The following PPIP5K2 variants were observed in gnomAD, a reference collection of about 807,000 sequenced individuals.
The protein encoded by PPIP5K2 is inositol hexakisphosphate and diphosphoinositol-pentakisphosphate kinase 2.
Under a neutral mutation model 154.6 loss-of-function variants are expected in PPIP5K2, and 105 were observed. The observed-to-expected ratio is 0.68, with a 90% CI of 0.58 to 0.80. The LOEUF is 0.80. Among genes scored for constraint, PPIP5K2 ranks in the 30% least tolerant of loss-of-function variants. The probability of loss-of-function intolerance (pLI) is 0.00; values close to 1 mark genes in which losing one functional copy is unlikely to be tolerated. For missense variants in PPIP5K2, 992 were observed against 1,504.6 expected, an observed-to-expected ratio of 0.66 and a Z score of 5.64; for synonymous variants, 480 against 490.3, an observed-to-expected ratio of 0.98 and a Z score of 0.28.
intron 5 of PPIP5K2, among the ~76,000 whole-genome samples, chr5:103,145,492 T>C (rs907370256): frequency 6.6e-6 from 1 of 152,066 alleles, no homozygotes; most frequent in African/African-American, 2.4e-5. Context: ...GGAAACAACC[T>C]AAGGGTCCAT....
At chr5:103,150,454 T>C (rs1202295031) in intron 8 of PPIP5K2, among the ~76,000 whole-genome samples, 1 of 152,144 alleles carries the variant, frequency 6.6e-6, no homozygotes, top group Non-Finnish European at 1.5e-5. Context: ...TGTTCACGAA[T>C]ATGTGGTATT....
chr5:103,127,175 A>G (rs1341902286), intron 1 of PPIP5K2, among the ~76,000 whole-genome samples: 3 of 152,238 alleles, frequency 2.0e-5, no homozygotes, highest in Non-Finnish European at 4.4e-5. Flanking sequence ...AAGGAAGTAC[A>G]ATACAGTTTT....
At chr5:103,176,165 A>G (rs932416479) in intron 21 of PPIP5K2, among the ~76,000 whole-genome samples, 16 of 152,048 alleles carry the variant, frequency 1.1e-4, no homozygotes, top group African/African-American at 3.1e-4. Flanking sequence ...GTCTTCTTAC[A>G]TATTAATTAC....
chr5:103,194,563 A>G (rs1187690232), intron 29 of PPIP5K2, among the ~76,000 whole-genome samples: 1 of 152,148 alleles, frequency 6.6e-6, no homozygotes. Context: ...TTCTGTTACC[A>G]GGCAAGAAAA....
At position 103,133,584 on chromosome 5, in the gene PPIP5K2, T is replaced by A. The variant is rs1469374697; in HGVS notation, c.246T>A (p.Val82=). Residue 82 remains valine, a synonymous_variant, in exon 3 of 31, where the codon GTT becomes GTA. Coordinates refer to ENST00000358359, the MANE Select transcript of PPIP5K2 (RefSeq NM_001276277.3). ...YITVVVFEEE[V]ILNEPVENWP... Reference sequence around the variant, plus strand: ...CAGTAGTAGTATTTGAAGAGGAGGTTATTTTGAATGAACCAGTGGAAAACT... The same window carrying A: ...CAGTAGTAGTATTTGAAGAGGAGGTAATTTTGAATGAACCAGTGGAAAACT... 1 of 1,612,606 alleles carries A rather than the reference T, an allele frequency of 6.2e-7. No individual in the cohort carries two copies. The highest frequency in any genetic ancestry group is 8.5e-7 in the Non-Finnish European group (1 of 1,179,468).
chr5:103,177,298 G>A (rs959005803), intron 21 of PPIP5K2, among the ~76,000 whole-genome samples: 1 of 151,754 alleles, frequency 6.6e-6, no homozygotes, highest in Non-Finnish European at 1.5e-5. Flanking sequence ...TTTGTATTTT[G>A]GAATACTTGC....
rs143841988 is a variant in PPIP5K2, at chr5:103,195,755, A to G, written c.3619+730A>G. ...ATGATATTCATTTTTCTTACCATAT[A>G]TCTTTTTTCCTCAGAGAATTTCATA... On this transcript the variant is annotated intron_variant, in intron 30 of 30. Coordinates refer to ENST00000358359, the MANE Select transcript of PPIP5K2 (RefSeq NM_001276277.3). Among the ~76,000 whole-genome samples, 1,027 of 152,234 alleles carry G rather than the reference A, an allele frequency of 6.7e-3. 7 individuals are homozygous for G. Among genetic ancestry groups the G allele is most frequent in the Non-Finnish European group, 0.013 (854 of 67,998 alleles).
intron 5 of PPIP5K2, among the ~76,000 whole-genome samples, chr5:103,144,234 T>C (rs1243349908): frequency 6.6e-6 from 1 of 150,690 alleles, no homozygotes; most frequent in Admixed American, 6.6e-5. Context: ...AAATGAAAGA[T>C]CTCTTCTACA....
rs782475057 is a variant in PPIP5K2, at chr5:103,180,055, A to G, written c.2789A>G (p.Asp930Gly). The change falls in exon 24 of 31, where the codon GAT becomes GGT. Residue 930 changes from aspartate (D) to glycine (G), a missense_variant. Asp to Gly is a moderately conservative substitution (Grantham distance 94). This residue lies in a region of PPIP5K2 where 204 missense variants were observed against 224.0 expected (regional missense o/e 0.91). Transcript: ENST00000358359. ...AGGAGACCTTTTAAAATTGATAATG[A>G]TGATGAACCACATACTTCTAAAAGA... ...EGRRPFKIDN[D>G]DEPHTSKRDE... The G allele has an allele frequency of 3.1e-5, 49 of 1,572,158 alleles. No individual in the cohort carries two copies. The highest frequency in any genetic ancestry group is 4.7e-5 in the East Asian group (2 of 42,280).
intron 17 of PPIP5K2, among the ~76,000 whole-genome samples, chr5:103,161,395 T>C (rs1407204066): frequency 1.3e-5 from 2 of 152,212 alleles, no homozygotes; most frequent in Admixed American, 6.5e-5. Context: ...GTCTTTGTTA[T>C]TGTGAATGGT....
chr5:103,154,914 A>G lies in PPIP5K2; in HGVS notation c.1374A>G (p.Lys458=). The change falls in exon 13 of 31, where the codon AAA becomes AAG. Residue 458 remains lysine (K), a synonymous_variant. Coordinates refer to ENST00000358359, the MANE Select transcript of PPIP5K2 (RefSeq NM_001276277.3). ...NDSEIEENKP[K]LEQLKTVLEM... is the part of the protein sequence containing the mutation. ...CTGAAATTGAAGAAAACAAGCCAAA[A>G]CTTGAACAACTTAAGACTGTATTAG... The G allele has an allele frequency of 6.2e-7, 1 of 1,603,930 alleles. No individual in the cohort carries two copies. Among genetic ancestry groups the G allele is most frequent in the Non-Finnish European group, 8.5e-7 (1 of 1,175,654 alleles).
intron 5 of PPIP5K2, among the ~76,000 whole-genome samples, chr5:103,139,578 G>A (rs1554205718): frequency 3.3e-5 from 5 of 152,130 alleles, no homozygotes; most frequent in Non-Finnish European, 5.9e-5. Flanking sequence ...AGCCCAAACG[G>A]TGAAGACTGA....
intron 28 of PPIP5K2, among the ~76,000 whole-genome samples, 175 bp downstream of exon 28, chr5:103,187,551 T>G (rs1800592469): frequency 6.6e-6 from 1 of 152,154 alleles, no homozygotes; most frequent in Non-Finnish European, 1.5e-5. Context: ...AGCTCCCTTT[T>G]CAGCTGTAAT....
chr5:103,138,283 T>C (rs1554205131), intron 4 of PPIP5K2, 101 bp from the exon 5 acceptor site: 1 of 571,866 alleles, frequency 1.7e-6, no homozygotes, highest in Non-Finnish European at 2.8e-6. Context: ...ATACCCTTTT[T>C]AGTTATAGAA....
chr5:103,146,752 G>T, intron 6 of PPIP5K2, 71 bp downstream of exon 6: 1 of 1,293,588 alleles, frequency 7.7e-7, no homozygotes, highest in Non-Finnish European at 1.0e-6. Context: ...AAGCAATCAA[G>T]CATTTAATTA....
At chr5:103,137,164 T>C (rs1398383150) in intron 4 of PPIP5K2, among the ~76,000 whole-genome samples, 1 of 125,180 alleles carries the variant, frequency 8.0e-6, no homozygotes, top group Non-Finnish European at 1.7e-5. Context: ...TATAACTAGA[T>C]TTTTTTTTTT....
At position 103,146,594 on chromosome 5, in the gene PPIP5K2, A is replaced by G. The variant is rs565407692; in HGVS notation, c.555A>G (p.Val185=). 12 of 1,612,696 alleles carry G rather than the reference A, an allele frequency of 7.4e-6. No homozygotes were observed. In the South Asian group the frequency reaches 1.3e-4, roughly 18 times the overall value. The change falls in exon 6 of 31, where the codon GTA becomes GTG. Residue 185 remains valine (V), a synonymous_variant. Transcript: ENST00000358359. ...GGGAAGTTTTTCAAAAGCCATTTGTAGAAAAGCCAGTCAGTGCAGAAGATC... is the reference window on the plus strand; with the variant it reads ...GGGAAGTTTTTCAAAAGCCATTTGTGGAAAAGCCAGTCAGTGCAGAAGATC... The part of the protein sequence containing the change: ...VNGEVFQKPF[V]EKPVSAEDHN...
intron 18 of PPIP5K2, among the ~76,000 whole-genome samples, chr5:103,167,554 A>G (rs987021837): frequency 4.6e-5 from 7 of 152,000 alleles, no homozygotes; most frequent in African/African-American, 1.7e-4. Flanking sequence ...ATTATGCAGC[A>G]TTGCTATATA....
intron 18 of PPIP5K2, 91 bp from the exon 19 acceptor site, chr5:103,167,981 A>C: frequency 2.5e-6 from 2 of 794,468 alleles, no homozygotes; most frequent in Non-Finnish European, 3.9e-6. Context: ...TATTTTTGAC[A>C]CTTTAAAAAG....
Sources: allele counts gnomAD v4.1 joint callset (sites outside exome capture counted in the v4.1 genomes callset), GRCh38; gene constraint gnomAD v4.1.1; regional missense constraint gnomAD v4.1.1; transcripts MANE v1.5; gene names NCBI Gene and HGNC (gene_info 2026-07-23, HGNC 2026-07-21).